The following TAFA2 variants were observed in gnomAD, a reference collection of about 807,000 sequenced individuals.
TAFA2 encodes the protein TAFA chemokine like family member 2.
Under a neutral mutation model 18.8 loss-of-function variants are expected in TAFA2, and 7 were observed. The ratio of observed to expected loss-of-function variants is 0.37; its 90% confidence interval spans 0.21 to 0.70. TAFA2 has a LOEUF of 0.70. Among genes scored for constraint, TAFA2 ranks in the 30% least tolerant of loss-of-function variants. The pLI, the probability that TAFA2 is intolerant of heterozygous loss-of-function variation, is 0.53. For synonymous variants in TAFA2, 60 were observed against 54.2 expected, an observed-to-expected ratio of 1.11 and a Z score of -0.47; for missense variants, 122 against 158.1, an observed-to-expected ratio of 0.77 and a Z score of 1.23.
At chr12:61,857,429 C>T (rs1403288267) in intron 2 of TAFA2, among the ~76,000 whole-genome samples, 1 of 152,010 alleles carries the variant, frequency 6.6e-6, no homozygotes, top group African/African-American at 2.4e-5. Flanking sequence ...AGAGGGGAAG[C>T]TTTATATACT....
In TAFA2 at chr12:62,034,722, T is replaced by G. The variant is rs1881553668; in HGVS notation, c.-2+156537A>C. 3.9e-5 allele frequency among the ~76,000 whole-genome samples: 6 copies of G among 152,276 alleles called. No homozygotes were observed. In the South Asian group the frequency reaches 1.2e-3, roughly 32 times the overall value. ...AGATTTCTCCATAGTCAATAATATG[T>G]ATGTATTATATTAATACTATTAAAC... On this transcript the variant is annotated intron_variant, in intron 1 of 4. Coordinates refer to ENST00000416284, the MANE Select transcript of TAFA2 (RefSeq NM_178539.5).
intron 1 of TAFA2, among the ~76,000 whole-genome samples, chr12:62,185,062 A>G (rs2062576945): frequency 6.6e-6 from 1 of 152,176 alleles, no homozygotes; most frequent in African/African-American, 2.4e-5. Flanking sequence ...CATACCTTCA[A>G]CTAAAAAAGT....
chr12:62,212,230 T>G (rs1175927214), intron 1 of TAFA2, among the ~76,000 whole-genome samples: 3 of 152,214 alleles, frequency 2.0e-5, no homozygotes, highest in African/African-American at 4.8e-5. Context: ...CTTTCCTTTA[T>G]TTCCAAAAGT....
chr12:62,258,824 G>C (rs2062958708), upstream of TAFA2: 1 of 311,656 alleles, frequency 3.2e-6, no homozygotes, highest in Admixed American at 4.1e-5. Context: ...AAATTACTTT[G>C]TTCTCTTTCA....
At chr12:61,898,295 G>A (rs1262130941) in intron 1 of TAFA2, among the ~76,000 whole-genome samples, 1 of 152,200 alleles carries the variant, frequency 6.6e-6, no homozygotes, top group East Asian at 1.9e-4. Context: ...GGGCTCTGGA[G>A]GACAGTGGCC....
At chr12:61,909,183 A>T (rs556498647) in intron 1 of TAFA2, among the ~76,000 whole-genome samples, 4 of 152,344 alleles carry the variant, frequency 2.6e-5, no homozygotes, top group East Asian at 1.9e-4. Context: ...TTGACCTTGA[A>T]GTCACAACAT....
At chr12:62,084,066 T>C (rs1273117301) in intron 1 of TAFA2, among the ~76,000 whole-genome samples, 1 of 152,154 alleles carries the variant, frequency 6.6e-6, no homozygotes, top group African/African-American at 2.4e-5. Flanking sequence ...GAGTACACAG[T>C]ACATTTTCAA....
chr12:62,179,527 A>G (rs972808169), intron 1 of TAFA2, among the ~76,000 whole-genome samples: 1 of 152,172 alleles, frequency 6.6e-6, no homozygotes, highest in Admixed American at 6.6e-5. Context: ...TTTGACTTTT[A>G]GTTTAATAAA....
chr12:61,985,440 A>G (rs1879780273), intron 1 of TAFA2, among the ~76,000 whole-genome samples: 1 of 152,212 alleles, frequency 6.6e-6, no homozygotes, highest in Admixed American at 6.5e-5. Flanking sequence ...TTATTATGTA[A>G]TAACACTGAA....
chr12:61,742,006 C>T (rs1189695368), intron 4 of TAFA2, among the ~76,000 whole-genome samples: 1 of 152,088 alleles, frequency 6.6e-6, no homozygotes, highest in African/African-American at 2.4e-5. Flanking sequence ...AAGCAATTCT[C>T]ATGCCTCAGC....
chr12:62,047,256 G>A (rs549272828), intron 1 of TAFA2, among the ~76,000 whole-genome samples: 2 of 152,210 alleles, frequency 1.3e-5, no homozygotes, highest in Admixed American at 6.5e-5. Flanking sequence ...AACAAAGGAA[G>A]GCTAGGTCGC....
At chr12:62,089,451 G>A (rs1868614148) in intron 1 of TAFA2, among the ~76,000 whole-genome samples, 1 of 152,038 alleles carries the variant, frequency 6.6e-6, no homozygotes, top group Non-Finnish European at 1.5e-5. Flanking sequence ...GGGACTCAAA[G>A]CTGATTTTTT....
chr12:61,811,660 T>A (rs1222039440), intron 2 of TAFA2, among the ~76,000 whole-genome samples: 2 of 151,312 alleles, frequency 1.3e-5, no homozygotes, highest in African/African-American at 4.9e-5. Context: ...GTGAAAAGGG[T>A]CACTTTTAGC....
At chr12:61,815,404 C>T (rs1362573665) in intron 2 of TAFA2, among the ~76,000 whole-genome samples, 8 of 151,206 alleles carry the variant, frequency 5.3e-5, no homozygotes, top group Non-Finnish European at 8.8e-5. Context: ...TGGTGGCTCA[C>T]GCCTGTAATC....
intron 1 of TAFA2, among the ~76,000 whole-genome samples, chr12:62,168,509 G>C (rs1412183747): frequency 2.0e-5 from 3 of 152,048 alleles, no homozygotes; most frequent in African/African-American, 7.2e-5. Flanking sequence ...GCAAAGAAAA[G>C]GAAAAAAGAT....
intron 2 of TAFA2, among the ~76,000 whole-genome samples, chr12:61,824,869 A>G (rs1461795917): frequency 2.0e-5 from 3 of 152,184 alleles, no homozygotes; most frequent in Non-Finnish European, 2.9e-5. Context: ...TGTCAATGCA[A>G]GAGTTTAAAT....
intron 2 of TAFA2, among the ~76,000 whole-genome samples, chr12:61,847,146 G>A (rs1427089950): frequency 6.6e-6 from 1 of 152,092 alleles, no homozygotes; most frequent in African/African-American, 2.4e-5. Flanking sequence ...TTTGTTCAAC[G>A]TTAAGAAGAA....
At chr12:61,772,780 C>G (rs945833532) in intron 2 of TAFA2, among the ~76,000 whole-genome samples, 2 of 151,630 alleles carry the variant, frequency 1.3e-5, no homozygotes, top group Non-Finnish European at 2.9e-5. Context: ...GTTGAAAGCA[C>G]TCCCCCTGAG....
At position 62,010,929 on chromosome 12, in the gene TAFA2, G is replaced by A. The variant is rs11611923; in HGVS notation, c.-1-143503C>T. Among the ~76,000 whole-genome samples the A allele has an allele frequency of 3.9e-3, 381 of 97,622 alleles. 4 individuals carry two copies. The highest frequency in any genetic ancestry group is 7.6e-3 in the Middle Eastern group (1 of 132). The allele number at this position is 97,622 out of a possible 152,430, so 64.0% of individuals were successfully genotyped here. ...CTGCCCGGCCGCCCTTCGTCTGGGAGGTGGGGAGCGCCTCTGCCCGGCCGC... is the reference window on the plus strand; with the variant it reads ...CTGCCCGGCCGCCCTTCGTCTGGGAAGTGGGGAGCGCCTCTGCCCGGCCGC... On this transcript the variant is annotated intron_variant, in intron 1 of 4. Transcript: ENST00000416284.
Sources: gnomAD v4.1 joint callset for allele counts (sites outside exome capture counted in the v4.1 genomes callset) on GRCh38, gnomAD v4.1.1 for gene constraint, MANE v1.5 for transcripts, NCBI Gene and HGNC (gene_info 2026-07-23, HGNC 2026-07-21) for gene names.